Variants in APLF observed in about 807,000 individuals in gnomAD.
APLF encodes aprataxin and PNK-like factor.
A neutral mutation model predicts 55.6 loss-of-function variants in APLF; 61 were observed. The observed-to-expected ratio is 1.10, with a 90% CI of 0.89 to 1.36. The LOEUF (loss-of-function observed/expected upper bound fraction) is 1.36, where lower values mean the gene tolerates loss of function less well. Among genes scored for constraint, APLF ranks in the 40% most tolerant of loss-of-function variants. The pLI, the probability that APLF is intolerant of heterozygous loss-of-function variation, is 0.00. For synonymous variants in APLF, 207 were observed against 214.8 expected (o/e 0.96, Z 0.32); for missense variants, 611 against 602.5 (o/e 1.01, Z -0.15).
At chr2:68,523,255 A>G (rs1669942770) in intron 5 of APLF, among the ~76,000 whole-genome samples, 2 of 151,992 alleles carry the variant, frequency 1.3e-5, no homozygotes, top group Admixed American at 1.3e-4. Context: ...ATAACTAGTT[A>G]CCATTTTTTG....
intron 8 of APLF, among the ~76,000 whole-genome samples, chr2:68,558,604 G>C (rs1052409368): frequency 1.3e-5 from 2 of 152,146 alleles, no homozygotes; most frequent in Non-Finnish European, 1.5e-5. Context: ...TGATCTAGGA[G>C]CTTATGTAAA....
intron 8 of APLF, among the ~76,000 whole-genome samples, chr2:68,546,822 C>G (rs1257290832): frequency 6.6e-6 from 1 of 151,722 alleles, no homozygotes; most frequent in Non-Finnish European, 1.5e-5. Flanking sequence ...TTAAAAATTT[C>G]CTTTCTGAAA....
At chr2:68,535,081 A>G (rs1052153018) in intron 6 of APLF, among the ~76,000 whole-genome samples, 2 of 152,238 alleles carry the variant, frequency 1.3e-5, no homozygotes, top group Non-Finnish European at 1.5e-5. Context: ...CCTGATCCAT[A>G]GTATTGATAT....
At chr2:68,512,997 G>T in intron 3 of APLF, 83 bp from the exon 4 acceptor site, 1 of 1,304,752 alleles carries the variant, frequency 7.7e-7, no homozygotes, top group Non-Finnish European at 1.1e-6. Flanking sequence ...TCTGAGTAAA[G>T]GGACATAACT....
In APLF at chr2:68,527,442, T is replaced by G. The variant is rs2103985143; in HGVS notation, c.804+1200T>G. 3.4e-5 allele frequency among the ~76,000 whole-genome samples: 5 copies of G among 148,864 alleles called. No individual in the cohort carries two copies. The Middle Eastern group carries it at 0.015, about 435-fold the overall frequency. Reference sequence around the variant, plus strand: ...GCGGCCGGGCAGAGGTGCTCGTCACTTCCCAGATGGGGTGGAGGCCGGGCA... The same window carrying G: ...GCGGCCGGGCAGAGGTGCTCGTCACGTCCCAGATGGGGTGGAGGCCGGGCA... On this transcript the variant is annotated intron_variant, in intron 6 of 9. Coordinates refer to ENST00000303795, the MANE Select transcript of APLF (RefSeq NM_173545.3).
In APLF at chr2:68,514,602, G is replaced by A. The variant is rs527648035; in HGVS notation, c.622+922G>A. Reference sequence around the variant, plus strand: ...GTTTAGGAGTCAGCCAAGAATTTGGGTCAAGTTTTTATGTAGGTTTTTGCT... The same window carrying A: ...GTTTAGGAGTCAGCCAAGAATTTGGATCAAGTTTTTATGTAGGTTTTTGCT... On this transcript the variant is annotated intron_variant, in intron 5 of 9. Coordinates refer to ENST00000303795, the MANE Select transcript of APLF (RefSeq NM_173545.3). 1.1e-4 allele frequency among the ~76,000 whole-genome samples: 17 copies of A among 151,820 alleles called. No individual in the cohort carries two copies. The South Asian group carries it at 3.5e-3, about 32-fold the overall frequency.
chr2:68,479,355 G>C (rs754269031), intron 1 of APLF, among the ~76,000 whole-genome samples: 1 of 152,240 alleles, frequency 6.6e-6, no homozygotes, highest in South Asian at 2.1e-4. Flanking sequence ...TGATATGCAT[G>C]ACTTCACAGG....
At chr2:68,570,745 A>G (rs1671436712) in intron 9 of APLF, among the ~76,000 whole-genome samples, 1 of 152,180 alleles carries the variant, frequency 6.6e-6, no homozygotes. Context: ...GTAGTGCCGC[A>G]GTAAACATAT....
At chr2:68,570,558 C>A (rs1671430673) in intron 9 of APLF, among the ~76,000 whole-genome samples, 1 of 151,726 alleles carries the variant, frequency 6.6e-6, no homozygotes, top group African/African-American at 2.4e-5. Context: ...GTTTTTTGTC[C>A]TTGCGATAGT....
At chr2:68,527,690 C>G (rs543890599) in intron 6 of APLF, among the ~76,000 whole-genome samples, 7 of 149,230 alleles carry the variant, frequency 4.7e-5, no homozygotes, top group Non-Finnish European at 8.9e-5. Context: ...TTCTCACTGC[C>G]CAGACAGGGC....
intron 8 of APLF, among the ~76,000 whole-genome samples, chr2:68,548,968 A>G (rs574316086): frequency 6.6e-6 from 1 of 152,136 alleles, no homozygotes; most frequent in African/African-American, 2.4e-5. Flanking sequence ...TGAGTATCTT[A>G]GGGTGTATCT....
At chr2:68,467,947 A>G (rs1179621059) in intron 1 of APLF, 120 bp downstream of exon 1, 4 of 741,156 alleles carry the variant, frequency 5.4e-6, no homozygotes, top group Non-Finnish European at 7.4e-6. Context: ...TCCGGATTTT[A>G]GAAGTTTGGG....
At chr2:68,505,225 CAT>C (rs758461531) in intron 3 of APLF, among the ~76,000 whole-genome samples, 12 of 151,942 alleles carry the variant, frequency 7.9e-5, no homozygotes, top group Non-Finnish European at 1.3e-4. Flanking sequence ...TGAAATGAGA[CAT>C]GTAAAGAACT....
rs1358368342 is a variant in APLF, at chr2:68,534,656, G to A, written c.805-3216G>A. ...GGTCTCTAACATGTATATTTACATTGTAGGGGATTTGGCCACTCTATCATG... is the reference window on the plus strand; with the variant it reads ...GGTCTCTAACATGTATATTTACATTATAGGGGATTTGGCCACTCTATCATG... On this transcript the variant is annotated intron_variant, in intron 6 of 9. Transcript: ENST00000303795. 2.0e-5 allele frequency among the ~76,000 whole-genome samples: 3 copies of A among 152,222 alleles called. No homozygotes were observed. In the East Asian group the frequency reaches 5.8e-4, roughly 29 times the overall value.
At chr2:68,477,272 G>A (rs987522417) in intron 1 of APLF, among the ~76,000 whole-genome samples, 6 of 152,100 alleles carry the variant, frequency 3.9e-5, no homozygotes, top group African/African-American at 1.4e-4. Context: ...ATCTGCTTAC[G>A]ACAACGTGTG....
intron 9 of APLF, among the ~76,000 whole-genome samples, chr2:68,576,641 G>A (rs141396069): frequency 1.6e-4 from 25 of 152,156 alleles, no homozygotes; most frequent in East Asian, 5.8e-4. Context: ...TCTGGAATGC[G>A]TACTGATATT....
chr2:68,517,440 T>G (rs1399801766), intron 5 of APLF, among the ~76,000 whole-genome samples: 1 of 137,872 alleles, frequency 7.3e-6, no homozygotes, highest in East Asian at 2.2e-4. Flanking sequence ...TATATCTATA[T>G]ATGTTATTAC....
At chr2:68,499,003 A>C (rs1676639861) in intron 2 of APLF, among the ~76,000 whole-genome samples, 1 of 151,038 alleles carries the variant, frequency 6.6e-6, no homozygotes, top group African/African-American at 2.5e-5. Flanking sequence ...CCTTTCCTCA[A>C]CTTATTTTGT....
At chr2:68,544,925 A>G (rs1670658013) in intron 7 of APLF, among the ~76,000 whole-genome samples, 1 of 152,190 alleles carries the variant, frequency 6.6e-6, no homozygotes. Flanking sequence ...AATGTTTGCA[A>G]GTTGTCTATT....
Sources: gnomAD v4.1 joint callset for allele counts (sites outside exome capture counted in the v4.1 genomes callset) on GRCh38, gnomAD v4.1.1 for gene constraint, MANE v1.5 for transcripts, NCBI Gene and HGNC (gene_info 2026-07-23, HGNC 2026-07-21) for gene names.